The following TNKS variants were observed in gnomAD, a reference collection of about 807,000 sequenced individuals.
TNKS encodes the protein tankyrase, also known as poly [ADP-ribose] polymerase tankyrase-1.
Under a neutral mutation model 135.8 loss-of-function variants are expected in TNKS, and 72 were observed. The observed-to-expected ratio is 0.53, with a 90% CI of 0.44 to 0.64. The LOEUF (loss-of-function observed/expected upper bound fraction) is 0.64. Among genes scored for constraint, TNKS ranks in the 30% least tolerant of loss-of-function variants. TNKS has a pLI of 0.00. For missense variants in TNKS, 1,769 were observed against 1,674.0 expected, an observed-to-expected ratio of 1.06 and a Z score of -0.99; for synonymous variants, 849 against 649.3, an observed-to-expected ratio of 1.31 and a Z score of -4.68.
Position 9,735,527 on chromosome 8 carries a change from G to A in TNKS, c.2643+41G>A, listed in dbSNP as rs376992823. 2.1e-4 allele frequency: 317 copies of A among 1,536,414 alleles called. 1 individual carries two copies. Among genetic ancestry groups the A allele is most frequent in the South Asian group, 1.8e-3 (157 of 89,488 alleles). On this transcript the variant is annotated intron_variant, in intron 17 of 26. Transcript: ENST00000310430. ...TTAAAATCTAGAAAACTGACCGCAC[G>A]CGGTGGCTCACGCCTGTAATCCCAG...
chr8:9,699,425 G>A (rs1030831640), intron 5 of TNKS, among the ~76,000 whole-genome samples: 1 of 152,002 alleles, frequency 6.6e-6, no homozygotes, highest in East Asian at 1.9e-4. Context: ...AAAACCTCAG[G>A]GCTTTTAGTG....
chr8:9,613,412 G>A (rs993698349), intron 2 of TNKS, among the ~76,000 whole-genome samples: 7 of 152,156 alleles, frequency 4.6e-5, no homozygotes, highest in Non-Finnish European at 7.4e-5. Flanking sequence ...ATGAAAGCTG[G>A]ATAAGTTTAG....
In TNKS at chr8:9,742,079, T is replaced by G. The variant is rs111643194; in HGVS notation, c.2644-5945T>G. Among the ~76,000 whole-genome samples, 1,095 of 152,320 alleles carry G rather than the reference T, an allele frequency of 7.2e-3. 16 individuals are homozygous for G. Among genetic ancestry groups the G allele is most frequent in the African/African-American group, 0.025 (1,028 of 41,568 alleles). ...ATTCTCCAGGCCTTGTAAAGGGCATTTGATAGAGGTTTTGATCAACCTGGT... is the reference window on the plus strand; with the variant it reads ...ATTCTCCAGGCCTTGTAAAGGGCATGTGATAGAGGTTTTGATCAACCTGGT... On this transcript the variant is annotated intron_variant, in intron 17 of 26. Transcript: ENST00000310430.
chr8:9,727,029 C>T (rs865975380), intron 13 of TNKS, among the ~76,000 whole-genome samples: 18 of 152,144 alleles, frequency 1.2e-4, no homozygotes, highest in Admixed American at 8.5e-4. Context: ...TTTAATTTCA[C>T]TTATATTAAT....
intron 3 of TNKS, among the ~76,000 whole-genome samples, chr8:9,651,554 G>C (rs1801148343): frequency 6.6e-6 from 1 of 152,160 alleles, no homozygotes; most frequent in South Asian, 2.1e-4. Context: ...ATTTCTAAAA[G>C]GGATTTGGGA....
chr8:9,651,079 T>C (rs1046481430), intron 3 of TNKS, among the ~76,000 whole-genome samples: 1 of 152,158 alleles, frequency 6.6e-6, no homozygotes, highest in Non-Finnish European at 1.5e-5. Flanking sequence ...CGGTGTCCTT[T>C]CTTCACCGTA....
chr8:9,616,321 G>T (rs78444478), intron 3 of TNKS, among the ~76,000 whole-genome samples: 1 of 152,110 alleles, frequency 6.6e-6, no homozygotes, highest in Admixed American at 6.6e-5. Context: ...AGAAAATAGT[G>T]CTCTAAGTGT....
At chr8:9,775,378 T>C (rs1808166531) in intron 26 of TNKS, among the ~76,000 whole-genome samples, 1 of 149,132 alleles carries the variant, frequency 6.7e-6, no homozygotes, top group Non-Finnish European at 1.5e-5. Context: ...TCCCACTAAA[T>C]GTACTAAAAT....
chr8:9,761,433 G>C, intron 20 of TNKS, 83 bp from the exon 21 acceptor site: 2 of 1,408,576 alleles, frequency 1.4e-6, no homozygotes, highest in South Asian at 1.2e-5. Flanking sequence ...AATGGTACTC[G>C]TAGCATTGAA....
At chr8:9,704,856 G>C in intron 6 of TNKS, 99 bp downstream of exon 6, 1 of 843,426 alleles carries the variant, frequency 1.2e-6, no homozygotes, top group South Asian at 2.0e-5. Flanking sequence ...ATTTGTTACG[G>C]CTTACATAAC....
At chr8:9,576,962 A>G (rs1422782888) in intron 1 of TNKS, among the ~76,000 whole-genome samples, 3 of 152,224 alleles carry the variant, frequency 2.0e-5, no homozygotes, top group Admixed American at 6.5e-5. Context: ...TATAATTTGC[A>G]TGATATAACA....
intron 25 of TNKS, among the ~76,000 whole-genome samples, chr8:9,767,184 C>G (rs191792913): frequency 6.6e-6 from 1 of 152,270 alleles, no homozygotes; most frequent in African/African-American, 2.4e-5. Context: ...TATAATTAGC[C>G]TTGGCAACTT....
rs762340365 is a variant in TNKS at position 9,763,272 on chromosome 8, G to A, written c.3372+28G>A. ...AATATACATCAGAAATCTTTCATTT[G>A]CTTTTCTTGAAATCTGTGGATAAAC... On this transcript the variant is annotated intron_variant, in intron 22 of 26. Coordinates refer to ENST00000310430, the MANE Select transcript of TNKS (RefSeq NM_003747.3). The A allele has an allele frequency of 3.4e-6, 5 of 1,470,814 alleles. No homozygotes were observed. In the Admixed American group the frequency reaches 5.4e-5, roughly 16 times the overall value. The allele number at this position is 1,470,814 out of a possible 1,614,324, so 91.1% of individuals were successfully genotyped here.
intron 3 of TNKS, among the ~76,000 whole-genome samples, chr8:9,641,030 A>G (rs952659026): frequency 6.2e-5 from 9 of 145,880 alleles, no homozygotes; most frequent in African/African-American, 2.3e-4. Flanking sequence ...ACGCTTTAAT[A>G]GATTATTTCT....
intron 3 of TNKS, chr8:9,670,913 C>G (rs887429852): frequency 9.9e-5 from 15 of 152,070 alleles, no homozygotes; most frequent in African/African-American, 3.6e-4. Flanking sequence ...TATGGAATGC[C>G]TATTACCCTG....
chr8:9,639,267 A>T (rs1207095755), intron 3 of TNKS, among the ~76,000 whole-genome samples: 1 of 152,136 alleles, frequency 6.6e-6, no homozygotes, highest in East Asian at 1.9e-4. Flanking sequence ...TTTAATTGGA[A>T]TGAAAACCAA....
intron 1 of TNKS, among the ~76,000 whole-genome samples, chr8:9,567,554 T>A (rs1797593105): frequency 6.6e-6 from 1 of 152,338 alleles, no homozygotes; most frequent in South Asian, 2.1e-4. Flanking sequence ...TAGCTGGGAC[T>A]ACAGGCGCCC....
intron 23 of TNKS, 117 bp from the exon 24 acceptor site, chr8:9,765,575 A>C (rs1159872997): frequency 1.3e-6 from 1 of 781,820 alleles, no homozygotes; most frequent in East Asian, 2.7e-5. Context: ...TATCACTTTT[A>C]AATTATGTCT....
chr8:9,597,889 A>G (rs1181728727), intron 2 of TNKS, among the ~76,000 whole-genome samples: 1 of 152,192 alleles, frequency 6.6e-6, no homozygotes, highest in Non-Finnish European at 1.5e-5. Flanking sequence ...ATTCAATACT[A>G]TCATTCAGAA....
Sources: allele counts gnomAD v4.1 joint callset (sites outside exome capture counted in the v4.1 genomes callset), GRCh38; gene constraint gnomAD v4.1.1; transcripts MANE v1.5; gene names NCBI Gene and HGNC (gene_info 2026-07-23, HGNC 2026-07-21).